SCN1B: variants seen among roughly 807,000 people sequenced by gnomAD.
The protein encoded by SCN1B is sodium voltage-gated channel beta subunit 1.
SCN1B carries 11 observed loss-of-function variants against 25.7 expected under a neutral mutation model. That is an observed-to-expected ratio of 0.43 (90% confidence interval 0.27 to 0.71). The LOEUF is 0.71. Among genes scored for constraint, SCN1B ranks in the 30% least tolerant of loss-of-function variants. The probability of loss-of-function intolerance (pLI) is 0.21; values close to 1 mark genes in which losing one functional copy is unlikely to be tolerated. For synonymous variants in SCN1B, 119 were observed against 117.5 expected (o/e 1.01, Z -0.08); for missense variants, 224 against 291.5 (o/e 0.77, Z 1.69).
intron 4 of SCN1B, 64 bp downstream of exon 4, chr19:35,039,322 C>T: frequency 6.2e-7 from 1 of 1,600,378 alleles, no homozygotes; most frequent in Non-Finnish European, 8.5e-7. Context: ...CAGAGAGGAA[C>T]TCCGGAGCCC....
At chr19:35,036,892 T>G (rs1403552169) in intron 3 of SCN1B, 2 of 151,928 alleles carry the variant, frequency 1.3e-5, no homozygotes, top group African/African-American at 4.8e-5. Context: ...GTAGCTGGGA[T>G]TACAGGCACG....
chr19:35,033,440 G>T (rs888795572), intron 2 of SCN1B, 59 bp from the exon 3 acceptor site: 1 of 1,609,790 alleles, frequency 6.2e-7, no homozygotes, highest in Non-Finnish European at 8.5e-7. Flanking sequence ...CAGAATCAGG[G>T]TCAGGTAAGG....
At position 35,031,947 on chromosome 19, in the gene SCN1B, G is replaced by A. The variant is rs570647845; in HGVS notation, c.41-581G>A. ...GATGATGGAGGCAGGAGAGGCCGGG[G>A]AGGGGATGGCTCACACAGGGGCTTG... is the stretch of plus-strand genomic sequence containing the variant. On this transcript the variant is annotated intron_variant, in intron 1 of 5. Transcript: ENST00000262631. Among the ~76,000 whole-genome samples, 449 of 152,264 alleles carry A rather than the reference G, an allele frequency of 2.9e-3. 3 individuals carry two copies. The highest frequency in any genetic ancestry group is 9.7e-3 in the African/African-American group (404 of 41,530).
chr19:35,038,770 TGAA>T, intron 3 of SCN1B: 2 of 377,304 alleles, frequency 5.3e-6, no homozygotes, highest in Middle Eastern at 8.8e-4. Context: ...ATTTTACAAT[TGAA>T]GAAACAGAGG....
chr19:35,038,874 C>T (rs973394805), intron 3 of SCN1B: 8 of 541,256 alleles, frequency 1.5e-5, no homozygotes, highest in East Asian at 1.0e-4. Context: ...TGCAGAGCTA[C>T]GGCTTTTAGG....
intron 3 of SCN1B, chr19:35,036,767 T>TA (rs1568351012): frequency 7.8e-6 from 1 of 128,782 alleles, no homozygotes; most frequent in Non-Finnish European, 1.7e-5. Flanking sequence ...TATTATTATT[T>TA]CAAGTTAGAG....
chr19:35,039,468 C>G lies in SCN1B; in HGVS notation c.591-167C>G, dbSNP rs1282546875. 5.1e-6 allele frequency: 5 copies of G among 976,748 alleles called. No homozygotes were observed. In the Admixed American group the frequency reaches 1.0e-4, roughly 20 times the overall value. 60.5% of individuals were successfully genotyped at this position (976,748 alleles called of 1,614,324 possible). On this transcript the variant is annotated intron_variant, in intron 4 of 5. Transcript: ENST00000262631. ...TCCCTCCAACTCAGGAGCCCAGGCT[C>G]CCAGCCAGATTCCTCAAAGACCCTG...
At chr19:35,039,069 C>T (rs1380497963) in intron 3 of SCN1B, 48 bp from the exon 4 acceptor site, 3 of 1,611,600 alleles carry the variant, frequency 1.9e-6, no homozygotes, top group Non-Finnish European at 2.5e-6. Context: ...CACACTCAGG[C>T]TGTCATGCAG....
In SCN1B at chr19:35,033,686, A is replaced by G. The variant is rs1265232012; in HGVS notation, c.395A>G (p.Tyr132Cys). The change falls in exon 3 of 6, where the codon TAC becomes TGC. Residue 132 changes from tyrosine to cysteine, a missense_variant. By Grantham distance (194) the Tyr-to-Cys change is radical. Around this residue, in one of 3 missense-constraint regions of SCN1B, gnomAD observed 126 missense variants for 204.9 expected, o/e 0.61. Coordinates refer to ENST00000262631, the MANE Select transcript of SCN1B (RefSeq NM_001037.5). ...TACCGCCTGCTCTTCTTCGAAAACT[A>G]CGAGCACAACACCAGCGTCGTCAAG... ...HVYRLLFFEN[Y>C]EHNTSVVKKI... The G allele has an allele frequency of 1.9e-6, 3 of 1,614,012 alleles. No homozygotes were observed. Among genetic ancestry groups the G allele is most frequent in the African/African-American group, 1.3e-5 (1 of 74,902 alleles).
chr19:35,030,713 G>A lies in SCN1B; in HGVS notation c.-108G>A. ...CCGGTCCCAGAGCCGCAGCTGCTGC[G>A]CCCGCGCGCTCCCGGGGACATTCTA... On this transcript the variant is annotated 5_prime_UTR_variant, in exon 1 of 6. Coordinates refer to ENST00000262631, the MANE Select transcript of SCN1B (RefSeq NM_001037.5). 3.6e-6 allele frequency: 1 copy of A among 275,212 alleles called. No homozygotes were observed. Among genetic ancestry groups the A allele is most frequent in the Non-Finnish European group, 6.9e-6 (1 of 145,814 alleles). 17.0% of individuals were successfully genotyped at this position (275,212 alleles called of 1,614,324 possible).
At chr19:35,033,379 G>T (rs2064226645) in intron 2 of SCN1B, 120 bp from the exon 3 acceptor site, 6 of 1,562,494 alleles carry the variant, frequency 3.8e-6, no homozygotes, top group Non-Finnish European at 5.2e-6. Flanking sequence ...AGGTCAAGGT[G>T]TCTGAGCCCA....
intron 2 of SCN1B, among the ~76,000 whole-genome samples, chr19:35,033,219 A>G (rs2064225355): frequency 6.6e-6 from 1 of 152,100 alleles, no homozygotes; most frequent in Non-Finnish European, 1.5e-5. Context: ...AAAGAACGGC[A>G]GAGAATGATA....
rs1267138933 is a variant in SCN1B, at chr19:35,039,445, C to A, written c.590+187C>A. 5.0e-6 allele frequency: 5 copies of A among 993,986 alleles called. No individual in the cohort carries two copies. In the African/African-American group the frequency reaches 8.1e-5, roughly 16 times the overall value. The allele number at this position is 993,986 out of a possible 1,614,324, so 61.6% of individuals were successfully genotyped here. On this transcript the variant is annotated intron_variant, in intron 4 of 5. Transcript: ENST00000262631. ...GGTCGTCAGACCCAGCCCCTTCCTC[C>A]CTCCAACTCAGGAGCCCAGGCTCCC...
intron 3 of SCN1B, 133 bp from the exon 4 acceptor site, chr19:35,038,984 A>G: frequency 2.9e-6 from 3 of 1,047,188 alleles, no homozygotes; most frequent in Non-Finnish European, 4.4e-6. Context: ...AAGGCTGGGT[A>G]TTAATAATCA....
chr19:35,030,757 C>T lies in SCN1B; in HGVS notation c.-64C>T, dbSNP rs1270749124. The T allele has an allele frequency of 1.5e-5, 8 of 540,412 alleles. No individual in the cohort carries two copies. Among genetic ancestry groups the T allele is most frequent in the Admixed American group, 3.5e-5 (1 of 28,678 alleles). 33.5% of individuals were successfully genotyped at this position (540,412 alleles called of 1,614,324 possible). ...CATTCTAACCGCCGCCAGGTCCCGCCGCCTCTCGCCCCGCTATTAATACCG... is the reference window on the plus strand; with the variant it reads ...CATTCTAACCGCCGCCAGGTCCCGCTGCCTCTCGCCCCGCTATTAATACCG... On this transcript the variant is annotated 5_prime_UTR_variant, in exon 1 of 6. Transcript: ENST00000262631.
In SCN1B at chr19:35,034,182, C is replaced by A. The variant is rs745394799; in HGVS notation, c.448+443C>A. ...TCCAGCAGAGCCTTGCAGGTGGTGGCGAGGGTGGCGGTTCTTACTGTTCGA... is the reference window on the plus strand; with the variant it reads ...TCCAGCAGAGCCTTGCAGGTGGTGGAGAGGGTGGCGGTTCTTACTGTTCGA... On this transcript the variant is annotated intron_variant, in intron 3 of 5. Transcript: ENST00000262631. 3.2e-6 allele frequency: 5 copies of A among 1,542,008 alleles called. 1 individual carries two copies. In the Admixed American group the frequency reaches 9.9e-5, roughly 31 times the overall value.
At chr19:35,031,889 G>C (rs2064216157) in intron 1 of SCN1B, 1 of 158,404 alleles carries the variant, frequency 6.3e-6, no homozygotes, top group African/African-American at 2.4e-5. Flanking sequence ...GGGGTGGGAA[G>C]AGCTCTAGAG....
chr19:35,039,389 G>A, intron 4 of SCN1B, 131 bp downstream of exon 4: 1 of 1,302,508 alleles, frequency 7.7e-7, no homozygotes, highest in Non-Finnish European at 1.1e-6. Flanking sequence ...ACTACCCAGA[G>A]GGGAGTGCTC....
rs1417835223 is a variant in SCN1B, at chr19:35,032,442, A to AG, written c.41-80dup. 22 of 1,505,052 alleles carry AG rather than the reference A, an allele frequency of 1.5e-5. No homozygotes were observed. In the Admixed American group the frequency reaches 2.9e-4, roughly 20 times the overall value. 93.2% of individuals were successfully genotyped at this position (1,505,052 alleles called of 1,614,324 possible). A position where few individuals can be genotyped will look rare whatever the true frequency, so the allele number is the denominator to read the frequency against. On this transcript the variant is annotated intron_variant, in intron 1 of 5. Transcript: ENST00000262631. This position sits in a 1 kb window ranked among gnomAD's most constrained non-coding sequence, Gnocchi z 4.3. ...CAGTCCTGTCTGCTGGTAATCATTG[A>AG]GGGGGGAACAGATGGTTTGTGAGGG...
Sources: allele counts gnomAD v4.1 joint callset (sites outside exome capture counted in the v4.1 genomes callset), GRCh38; gene constraint gnomAD v4.1.1; regional missense constraint gnomAD v4.1.1; non-coding constraint Gnocchi (gnomAD v3.1); transcripts MANE v1.5; gene names NCBI Gene and HGNC (gene_info 2026-07-23, HGNC 2026-07-21).